The following ANKFN1 variants were observed in gnomAD, a reference collection of about 807,000 sequenced individuals.
ANKFN1 encodes ankyrin repeat and fibronectin type III domain containing 1, also known as ankyrin repeat and fibronectin type-III domain-containing protein 1.
ANKFN1 carries 74 observed loss-of-function variants against 108.7 expected under a neutral mutation model. The observed-to-expected ratio is 0.68, with a 90% CI of 0.56 to 0.83. ANKFN1 has a LOEUF of 0.83. Among genes scored for constraint, ANKFN1 ranks in the 40% least tolerant of loss-of-function variants. The pLI, the probability that ANKFN1 is intolerant of heterozygous loss-of-function variation, is 0.00. For synonymous variants in ANKFN1, 547 were observed against 516.2 expected (o/e 1.06, Z -0.81); for missense variants, 1,505 against 1,382.3 (o/e 1.09, Z -1.41).
intron 8 of ANKFN1, among the ~76,000 whole-genome samples, chr17:56,422,838 C>T (rs1490939520): frequency 6.6e-6 from 1 of 152,166 alleles, no homozygotes; most frequent in Non-Finnish European, 1.5e-5. Flanking sequence ...TGGCCAAAGC[C>T]GCATAACTCT....
At chr17:56,186,973 A>G (rs901717319) in intron 1 of ANKFN1, among the ~76,000 whole-genome samples, 8 of 152,258 alleles carry the variant, frequency 5.3e-5, no homozygotes, top group African/African-American at 9.6e-5. Flanking sequence ...ACCTAAAACC[A>G]TAAAAACCCT....
intron 8 of ANKFN1, among the ~76,000 whole-genome samples, chr17:56,379,414 A>G (rs563006119): frequency 3.6e-4 from 55 of 152,192 alleles, no homozygotes; most frequent in Non-Finnish European, 7.2e-4. Context: ...AAAAAAAAAA[A>G]AAGGTCAAAG....
At chr17:56,082,621 G>A (rs1232841324) in intron 4 of ANKFN1, among the ~76,000 whole-genome samples, 1 of 152,148 alleles carries the variant, frequency 6.6e-6, no homozygotes, top group Non-Finnish European at 1.5e-5. Context: ...TGAAAAACTG[G>A]TGCCTCGTTT....
At chr17:56,378,696 G>C (rs766466378) in intron 8 of ANKFN1, among the ~76,000 whole-genome samples, 5 of 152,172 alleles carry the variant, frequency 3.3e-5, no homozygotes, top group Non-Finnish European at 7.3e-5. Flanking sequence ...TGAGAGCAAC[G>C]AGGAGGAGCA....
rs961813524 is a variant in ANKFN1, at chr17:56,070,834, A to G, written c.288+24509A>G. ...ACTGCAACCTCCACCTCCCGTGTTC[A>G]AGCGATTCTCCTGCCTCAGCCTCCC... On this transcript the variant is annotated intron_variant, in intron 4 of 12. Transcript: ENST00000635860. Among the ~76,000 whole-genome samples the G allele has an allele frequency of 4.6e-5, 7 of 151,466 alleles. No homozygotes were observed. The South Asian group carries it at 1.5e-3, about 32-fold the overall frequency.
At chr17:56,271,440 T>A (rs2215765) in intron 3 of ANKFN1, among the ~76,000 whole-genome samples, 34,457 of 152,124 alleles carry the variant, frequency 0.23, 4,375 homozygotes, top group African/African-American at 0.35. Context: ...TAAATGAGTG[T>A]GTGACTGAAT....
intron 8 of ANKFN1, among the ~76,000 whole-genome samples, chr17:56,395,765 C>T (rs2047564219): frequency 6.6e-6 from 1 of 152,132 alleles, no homozygotes; most frequent in African/African-American, 2.4e-5. Context: ...ACGAGAATCA[C>T]TTGAACCCGG....
chr17:56,260,471 G>A (rs1409885289), intron 3 of ANKFN1, among the ~76,000 whole-genome samples: 1 of 151,982 alleles, frequency 6.6e-6, no homozygotes, highest in African/African-American at 2.4e-5. Context: ...ATAGGGGCGG[G>A]TGGGGACAAG....
At chr17:56,218,814 C>A (rs1214511493) in intron 2 of ANKFN1, among the ~76,000 whole-genome samples, 1 of 152,196 alleles carries the variant, frequency 6.6e-6, no homozygotes, top group Non-Finnish European at 1.5e-5. Flanking sequence ...AAAAAGACTG[C>A]CATAAAAAGA....
intron 1 of ANKFN1, among the ~76,000 whole-genome samples, chr17:56,164,754 G>A (rs553187259): frequency 6.6e-6 from 1 of 152,266 alleles, no homozygotes; most frequent in South Asian, 2.1e-4. Flanking sequence ...CAGTTTCTCA[G>A]GATAATGCAT....
intron 8 of ANKFN1, among the ~76,000 whole-genome samples, chr17:56,429,561 C>G (rs1412502201): frequency 2.0e-5 from 3 of 152,224 alleles, no homozygotes; most frequent in Admixed American, 2.0e-4. Flanking sequence ...ACAGGCTATA[C>G]AGAGACAGGC....
At chr17:56,154,868 G>A (rs1410519606) in intron 1 of ANKFN1, among the ~76,000 whole-genome samples, 2 of 150,696 alleles carry the variant, frequency 1.3e-5, no homozygotes, top group African/African-American at 4.9e-5. Flanking sequence ...GACTAGTCTT[G>A]TGGTCAGAAG....
At chr17:56,186,437 G>A (rs1912218240) in intron 1 of ANKFN1, among the ~76,000 whole-genome samples, 1 of 151,916 alleles carries the variant, frequency 6.6e-6, no homozygotes, top group African/African-American at 2.4e-5. Flanking sequence ...CAGTTCAAGA[G>A]AGGTTAAGCG....
chr17:56,432,470 T>C (rs2048790181), intron 8 of ANKFN1, among the ~76,000 whole-genome samples: 1 of 152,264 alleles, frequency 6.6e-6, no homozygotes. Context: ...TGGTTAGTCC[T>C]GTTCAGGCGT....
intron 4 of ANKFN1, among the ~76,000 whole-genome samples, chr17:56,333,351 T>C (rs1373912678): frequency 6.6e-6 from 1 of 152,126 alleles, no homozygotes; most frequent in Non-Finnish European, 1.5e-5. Flanking sequence ...CCTGAAAGAT[T>C]TTTTTACCAT....
Position 56,469,527 on chromosome 17 carries a change from G to A in ANKFN1, c.1773+2956G>A, listed in dbSNP as rs191371515. Among the ~76,000 whole-genome samples the A allele has an allele frequency of 2.6e-5, 4 of 152,160 alleles. No individual in the cohort carries two copies. The East Asian group carries it at 7.7e-4, about 29-fold the overall frequency. On this transcript the variant is annotated intron_variant, in intron 15 of 20. Coordinates refer to ENST00000682825, the MANE Select transcript of ANKFN1 (RefSeq NM_001370326.1). ...TCATTGGAAGCCTGGGCTTCTGTCT[G>A]CTACATCACATCACATTCTGTGCAC...
chr17:56,476,091 C>T (rs1436534498), intron 15 of ANKFN1, among the ~76,000 whole-genome samples: 1 of 152,156 alleles, frequency 6.6e-6, no homozygotes, highest in African/African-American at 2.4e-5. Flanking sequence ...CTTGTGAGAA[C>T]TCACTATCAT....
At chr17:56,420,950 C>T (rs1386651993) in intron 8 of ANKFN1, among the ~76,000 whole-genome samples, 2 of 151,960 alleles carry the variant, frequency 1.3e-5, no homozygotes, top group Non-Finnish European at 2.9e-5. Flanking sequence ...CCTCGTGATC[C>T]GCCCGCCTCG....
Position 56,188,593 on chromosome 17 carries a change from A to G in ANKFN1, c.-70-24005A>G, listed in dbSNP as rs867736915. Among the ~76,000 whole-genome samples the G allele has an allele frequency of 4.6e-3, 564 of 121,778 alleles. 5 individuals are homozygous for G. Among genetic ancestry groups the G allele is most frequent in the African/African-American group, 0.013 (323 of 25,600 alleles). The allele number at this position is 121,778 out of a possible 152,430, so 79.9% of individuals were successfully genotyped here. ...TGTGTGTGTGTGTGTATATATATATATATATATATATATATATATATATGA... is the reference window on the plus strand; with the variant it reads ...TGTGTGTGTGTGTGTATATATATATGTATATATATATATATATATATATGA... On this transcript the variant is annotated intron_variant, in intron 1 of 20. Coordinates refer to ENST00000682825, the MANE Select transcript of ANKFN1 (RefSeq NM_001370326.1).
Sources: gnomAD v4.1 joint callset for allele counts (sites outside exome capture counted in the v4.1 genomes callset) on GRCh38, gnomAD v4.1.1 for gene constraint, MANE v1.5 for transcripts, NCBI Gene and HGNC (gene_info 2026-07-23, HGNC 2026-07-21) for gene names.